Variants in MSRA observed in about 807,000 individuals in gnomAD.
MSRA encodes the protein mitochondrial peptide methionine sulfoxide reductase.
In MSRA, 54 loss-of-function variants were observed where a neutral mutation model predicts 31.3. That is an observed-to-expected ratio of 1.73 (90% CI 1.39 to 2.17). The LOEUF (loss-of-function observed/expected upper bound fraction) is 2.17. Ranked by LOEUF, MSRA falls within the 30% of genes most tolerant of loss-of-function variation. MSRA has a pLI of 0.00. For missense variants in MSRA, 507 were observed against 300.9 expected, an observed-to-expected ratio of 1.69 and a Z score of -5.07; for synonymous variants, 169 against 116.5, an observed-to-expected ratio of 1.45 and a Z score of -2.90.
chr8:10,319,881 A>C lies in MSRA; in HGVS notation c.437-2A>C. The C allele has an allele frequency of 2.0e-6, 3 of 1,518,348 alleles. No individual in the cohort carries two copies. The highest frequency in any genetic ancestry group is 2.7e-6 in the Non-Finnish European group (3 of 1,128,362). The allele number at this position is 1,518,348 out of a possible 1,614,324, so 94.1% of individuals were successfully genotyped here. A position where few individuals can be genotyped will look rare whatever the true frequency, so the allele number is the denominator to read the frequency against. On this transcript the variant is annotated splice_acceptor_variant, in intron 4 of 5. Transcript: ENST00000317173. LOFTEE classifies it high-confidence loss of function. ...AACCCTCCCTGTTTTCTGCTTTCCT[A>C]GGTATGCGCCAGGGGAACGACCATG...
At chr8:10,216,062 T>G (rs1478294029) in intron 2 of MSRA, among the ~76,000 whole-genome samples, 1 of 152,204 alleles carries the variant, frequency 6.6e-6, no homozygotes, top group Non-Finnish European at 1.5e-5. Context: ...TTAACCCAAC[T>G]AGCATTTTTA....
At chr8:10,078,020 A>G (rs1798080860) in intron 1 of MSRA, among the ~76,000 whole-genome samples, 9 of 152,228 alleles carry the variant, frequency 5.9e-5, no homozygotes, top group Admixed American at 5.9e-4. Flanking sequence ...TTTAAGCCCA[A>G]CCAATTTCTG....
intron 5 of MSRA, among the ~76,000 whole-genome samples, chr8:10,356,951 C>T (rs946499596): frequency 9.9e-5 from 15 of 151,258 alleles, no homozygotes; most frequent in African/African-American, 3.6e-4. Flanking sequence ...ACGCAGCTTG[C>T]CCTCTCTTCC....
At chr8:10,394,699 C>A (rs150566976) in intron 5 of MSRA, among the ~76,000 whole-genome samples, 6 of 152,376 alleles carry the variant, frequency 3.9e-5, no homozygotes, top group Non-Finnish European at 8.8e-5. Flanking sequence ...GAAACAGGTC[C>A]TGCTTCCCTT....
At chr8:10,234,022 C>A (rs894359197) in intron 2 of MSRA, among the ~76,000 whole-genome samples, 1 of 152,152 alleles carries the variant, frequency 6.6e-6, no homozygotes, top group South Asian at 2.1e-4. Context: ...GGAGTAACAT[C>A]TTCAAAGTAT....
chr8:10,333,623 A>C (rs1281081948), intron 5 of MSRA, among the ~76,000 whole-genome samples: 2 of 152,152 alleles, frequency 1.3e-5, no homozygotes, highest in Non-Finnish European at 2.9e-5. Context: ...TATAAGGATG[A>C]TATGGTGTAT....
chr8:10,105,997 C>T (rs946478647), intron 1 of MSRA, among the ~76,000 whole-genome samples: 1 of 152,198 alleles, frequency 6.6e-6, no homozygotes, highest in Non-Finnish European at 1.5e-5. Context: ...AGTAATTATA[C>T]ATCTGTTTTA....
chr8:10,322,398 A>T (rs1802093912), intron 5 of MSRA, among the ~76,000 whole-genome samples: 1 of 152,180 alleles, frequency 6.6e-6, no homozygotes, highest in South Asian at 2.1e-4. Flanking sequence ...AGGGATATTT[A>T]GGAAGTACAA....
At chr8:10,339,120 G>C (rs1366939492) in intron 5 of MSRA, among the ~76,000 whole-genome samples, 1 of 152,160 alleles carries the variant, frequency 6.6e-6, no homozygotes, top group African/African-American at 2.4e-5. Context: ...GCTGACAGAT[G>C]AAAATTTTCA....
At chr8:10,289,862 T>G (rs1585379125) in intron 3 of MSRA, among the ~76,000 whole-genome samples, 1 of 152,226 alleles carries the variant, frequency 6.6e-6, no homozygotes, top group Non-Finnish European at 1.5e-5. Flanking sequence ...ATTTGAAGTC[T>G]TCTGGCATCT....
chr8:10,180,050 A>G (rs79283440), intron 1 of MSRA, among the ~76,000 whole-genome samples: 6,863 of 152,248 alleles, frequency 0.045, 194 homozygotes, highest in South Asian at 0.079. Context: ...ACGACCTGGA[A>G]TTAGACCCCA....
intron 3 of MSRA, among the ~76,000 whole-genome samples, chr8:10,276,197 C>T (rs1242772583): frequency 1.3e-5 from 2 of 152,198 alleles, no homozygotes; most frequent in South Asian, 2.1e-4. Context: ...ATCAGCAGTC[C>T]ACAGCAGTGG....
intron 5 of MSRA, among the ~76,000 whole-genome samples, chr8:10,415,722 C>T (rs1808418709): frequency 6.6e-6 from 1 of 151,958 alleles, no homozygotes. Flanking sequence ...CTCCTCCGGA[C>T]CTGTCAGCAC....
At chr8:10,261,676 A>G (rs1487325221) in intron 3 of MSRA, among the ~76,000 whole-genome samples, 2 of 152,208 alleles carry the variant, frequency 1.3e-5, no homozygotes, top group Admixed American at 6.5e-5. Context: ...TTAGTGTAGT[A>G]CATTTGTTAT....
At chr8:10,245,383 A>G (rs932304369) in intron 3 of MSRA, among the ~76,000 whole-genome samples, 160 bp downstream of exon 3, 1 of 152,208 alleles carries the variant, frequency 6.6e-6, no homozygotes, top group Non-Finnish European at 1.5e-5. Flanking sequence ...CTCACTTTAT[A>G]TGTTTAGAAG....
intron 5 of MSRA, among the ~76,000 whole-genome samples, chr8:10,359,106 G>A (rs1024026258): frequency 1.3e-5 from 2 of 152,108 alleles, no homozygotes; most frequent in Admixed American, 6.5e-5. Context: ...CTTTTTCAAC[G>A]TGTAGTTTTG....
intron 1 of MSRA, among the ~76,000 whole-genome samples, chr8:10,094,562 T>G (rs1799025914): frequency 6.6e-6 from 1 of 152,250 alleles, no homozygotes; most frequent in Non-Finnish European, 1.5e-5. Flanking sequence ...ATTAGCAATT[T>G]GAGACCTTGA....
chr8:10,199,292 G>A (rs141887554), intron 1 of MSRA, among the ~76,000 whole-genome samples: 8 of 152,188 alleles, frequency 5.3e-5, no homozygotes, highest in African/African-American at 1.4e-4. Flanking sequence ...ACCCTAGGCC[G>A]GTAGGCTCAC....
chr8:10,338,170 C>G lies in MSRA; in HGVS notation c.543+18181C>G, dbSNP rs1359333300. ...AAAGAGGAACCTAGGAAAGTGAGCC[C>G]CGAGAAAGCAATACTAGCAGAAAGC... On this transcript the variant is annotated intron_variant, in intron 5 of 5. Transcript: ENST00000317173. Among the ~76,000 whole-genome samples the G allele has an allele frequency of 2.0e-5, 3 of 152,038 alleles. No individual in the cohort carries two copies. In the East Asian group the frequency reaches 5.8e-4, roughly 29 times the overall value.
Sources: gnomAD v4.1 joint callset for allele counts (sites outside exome capture counted in the v4.1 genomes callset) on GRCh38, gnomAD v4.1.1 for gene constraint, MANE v1.5 for transcripts, NCBI Gene and HGNC (gene_info 2026-07-23, HGNC 2026-07-21) for gene names.